The following FOXRED2 variants were observed in gnomAD, a reference collection of about 807,000 sequenced individuals.
The protein encoded by FOXRED2 is FAD-dependent oxidoreductase domain-containing protein 2.
Under a neutral mutation model 52.5 loss-of-function variants are expected in FOXRED2, and 32 were observed. The observed-to-expected ratio is 0.61, with a 90% confidence interval of 0.46 to 0.82. FOXRED2 has a LOEUF of 0.82. FOXRED2 is among the 40% of genes least tolerant of loss of function. The probability of loss-of-function intolerance (pLI) is 0.00; values close to 1 mark genes in which losing one functional copy is unlikely to be tolerated. For synonymous variants in FOXRED2, 405 were observed against 398.1 expected, an observed-to-expected ratio of 1.02 and a Z score of -0.21; for missense variants, 848 against 937.5, an observed-to-expected ratio of 0.90 and a Z score of 1.25.
In FOXRED2 at chr22:36,501,470, T is replaced by C. The variant is rs73886816; in HGVS notation, c.1050-63A>G. 6,623 of 1,551,832 alleles carry C rather than the reference T, an allele frequency of 4.3e-3. 236 individuals are homozygous for C. In the African/African-American group the frequency reaches 0.08, roughly 19 times the overall value. Reference sequence around the variant, plus strand: ...ATGTAAGAGGCACTTATTTATTTAGTTAGTTTTGAGATGGAGTTTCGCTCT... The same window carrying C: ...ATGTAAGAGGCACTTATTTATTTAGCTAGTTTTGAGATGGAGTTTCGCTCT... On this transcript the variant is annotated intron_variant, in intron 4 of 8. Transcript: ENST00000397224.
At chr22:36,491,528 C>T (rs1027151868) in intron 8 of FOXRED2, among the ~76,000 whole-genome samples, 1 of 152,012 alleles carries the variant, frequency 6.6e-6, no homozygotes, top group African/African-American at 2.4e-5. Context: ...TCAGCCTCCC[C>T]AGTAGCTGAG....
At position 36,496,017 on chromosome 22, in the gene FOXRED2, T is replaced by C. The variant is rs771957220; in HGVS notation, c.1574A>G (p.Gln525Arg). ...GATGACAGGATGAAGAAAGTTAGACTGCCAGGCATCTTCTGTGTGCCCCAC... is the reference window on the plus strand; with the variant it reads ...GATGACAGGATGAAGAAAGTTAGACCGCCAGGCATCTTCTGTGTGCCCCAC... The part of the protein sequence containing the change: ...RSVGHTEDAW[Q>R]SNFLHPVIYY... Residue 525 changes from glutamine to arginine, a missense_variant, in exon 7 of 9, where the codon CAG becomes CGG. Coordinates refer to ENST00000397224, the MANE Select transcript of FOXRED2 (RefSeq NM_001102371.2). 1.9e-6 allele frequency: 3 copies of C among 1,614,116 alleles called. No homozygotes were observed. Among genetic ancestry groups the C allele is most frequent in the Non-Finnish European group, 8.5e-7 (1 of 1,180,044 alleles).
intron 4 of FOXRED2, 113 bp from the exon 5 acceptor site, chr22:36,501,520 G>T: frequency 1.9e-6 from 2 of 1,037,684 alleles, no homozygotes; most frequent in Non-Finnish European, 2.8e-6. Context: ...GAGTACAATG[G>T]CGTGATCTCG....
At position 36,505,920 on chromosome 22, in the gene FOXRED2, T is replaced by C; in HGVS notation, c.503A>G (p.Gln168Arg). The C allele has an allele frequency of 6.2e-7, 1 of 1,613,474 alleles. No individual in the cohort carries two copies. Among genetic ancestry groups the C allele is most frequent in the Non-Finnish European group, 8.5e-7 (1 of 1,179,376 alleles). Residue 168 changes from glutamine to arginine, a missense_variant, in exon 2 of 9, where the codon CAG becomes CGG. Transcript: ENST00000397224. The stretch of plus-strand genomic sequence containing the variant: ...CCTGCACTGATGCACCTGGCCCTTC[T>C]GGTCAGTTAGGATGAAGTAGTGGCC... ...WNGHYFILTD[Q>R]KGQVHQCSVL...
At position 36,496,215 on chromosome 22, in the gene FOXRED2, G is replaced by C; in HGVS notation, c.1383-7C>G. On this transcript the variant is annotated splice_polypyrimidine_tract_variant and splice_region_variant and intron_variant, in intron 6 of 8. Coordinates refer to ENST00000397224, the MANE Select transcript of FOXRED2 (RefSeq NM_001102371.2). ...CTCAAAGGCCGTGGAATTCCTGGGA[G>C]AACAGCAACGCGGGGGAGGCCCTCA... 6.2e-7 allele frequency: 1 copy of C among 1,613,198 alleles called. No individual in the cohort carries two copies. The highest frequency in any genetic ancestry group is 8.5e-7 in the Non-Finnish European group (1 of 1,179,946).
At chr22:36,495,585 T>C (rs567709179) in intron 7 of FOXRED2, among the ~76,000 whole-genome samples, 4 of 152,194 alleles carry the variant, frequency 2.6e-5, no homozygotes, top group Admixed American at 6.5e-5. Flanking sequence ...AGTGACAAAA[T>C]GACAGGCCTA....
chr22:36,488,377 G>A lies in FOXRED2; in HGVS notation c.*1631C>T. 1 of 152,240 alleles carries A rather than the reference G, an allele frequency of 6.6e-6. No individual in the cohort carries two copies. Among genetic ancestry groups the A allele is most frequent in the South Asian group, 2.1e-4 (1 of 4,824 alleles). The allele number at this position is 152,240 out of a possible 1,614,324, so 9.4% of individuals were successfully genotyped here. ...AGGTTCAAGCAATTCTCCTGCCTCA[G>A]CTTCCCAAGTAGCTGGGATGACAGG... On this transcript the variant is annotated 3_prime_UTR_variant, in exon 9 of 9. Transcript: ENST00000397224.
At chr22:36,502,243 G>A (rs1227396977) in intron 4 of FOXRED2, among the ~76,000 whole-genome samples, 1 of 152,106 alleles carries the variant, frequency 6.6e-6, no homozygotes, top group Non-Finnish European at 1.5e-5. Context: ...CTAGCACTTT[G>A]GGAGGCCGAT....
intron 7 of FOXRED2, among the ~76,000 whole-genome samples, chr22:36,495,201 C>T (rs5756217): frequency 0.095 from 14,511 of 152,018 alleles, 754 homozygotes; most frequent in East Asian, 0.15. Context: ...CCTTATAATC[C>T]GCTTGCCTTG....
intron 8 of FOXRED2, among the ~76,000 whole-genome samples, chr22:36,491,240 C>T (rs752325181): frequency 2.0e-5 from 3 of 152,126 alleles, no homozygotes; most frequent in East Asian, 1.9e-4. Flanking sequence ...AAGGAACAAC[C>T]GCTAGGTCTG....
rs1317745266 is a variant in FOXRED2 at position 36,489,906 on chromosome 22, A to C, written c.*102T>G. The C allele has an allele frequency of 3.2e-6, 4 of 1,245,294 alleles. No individual in the cohort carries two copies. Among genetic ancestry groups the C allele is most frequent in the East Asian group, 5.1e-5 (2 of 39,256 alleles). 77.1% of individuals were successfully genotyped at this position (1,245,294 alleles called of 1,614,324 possible). On this transcript the variant is annotated 3_prime_UTR_variant, in exon 9 of 9. Transcript: ENST00000397224. ...GCCATGATCTGAGTGGTCTTTGGCA[A>C]TCACGCATTGGCGGGAGTGTGAGGT...
In FOXRED2 at chr22:36,504,212, C is replaced by T. The variant is rs1934128401; in HGVS notation, c.935G>A (p.Ser312Asn). 2 of 1,614,170 alleles carry T rather than the reference C, an allele frequency of 1.2e-6. No individual in the cohort carries two copies. The highest frequency in any genetic ancestry group is 1.7e-6 in the Non-Finnish European group (2 of 1,180,034). ...CTGGGGGAGGGTGATGGAGTCGGCACTCTGGTTGGTGTTGGCTTCTTCCAG... is the reference window on the plus strand; with the variant it reads ...CTGGGGGAGGGTGATGGAGTCGGCATTCTGGTTGGTGTTGGCTTCTTCCAG... ...FFLEEANTNQ[S>N]ADSITLPQDD... The change falls in exon 4 of 9, where the codon AGT (serine) becomes AAT (asparagine). Residue 312 changes from serine (S) to asparagine (N), a missense_variant. By Grantham distance (46) the Ser-to-Asn change is conservative. Coordinates refer to ENST00000397224, the MANE Select transcript of FOXRED2 (RefSeq NM_001102371.2).
At position 36,506,365 on chromosome 22, in the gene FOXRED2, C is replaced by T. The variant is rs1307731463; in HGVS notation, c.58G>A (p.Ala20Thr). The T allele has an allele frequency of 1.4e-6, 2 of 1,454,000 alleles. No individual in the cohort carries two copies. Among genetic ancestry groups the T allele is most frequent in the Admixed American group, 2.6e-5 (1 of 38,254 alleles). 90.1% of individuals were successfully genotyped at this position (1,454,000 alleles called of 1,614,324 possible). A position where few individuals can be genotyped will look rare whatever the true frequency, so the allele number is the denominator to read the frequency against. ...GGCACCGACAGCGCTGGGTGCAGGG[C>T]GATGGCCAGGAGCAGCCCCGGGGGA... ...WGPPGLLLAIALHPALSVPPR... is the reference protein window; with the variant it reads ...WGPPGLLLAITLHPALSVPPR... Residue 20 changes from alanine to threonine, a missense_variant, in exon 2 of 9, where the codon GCC becomes ACC. By Grantham distance (58) the Ala-to-Thr change is moderately conservative (BLOSUM62 0). Coordinates refer to ENST00000397224, the MANE Select transcript of FOXRED2 (RefSeq NM_001102371.2).
intron 8 of FOXRED2, among the ~76,000 whole-genome samples, chr22:36,491,965 G>A (rs1933768131): frequency 6.6e-6 from 1 of 152,130 alleles, no homozygotes; most frequent in African/African-American, 2.4e-5. Context: ...GTAACTCTGA[G>A]CGAGCCTTCT....
chr22:36,501,906 C>T (rs149656068), intron 4 of FOXRED2, among the ~76,000 whole-genome samples: 1,803 of 152,198 alleles, frequency 0.012, 15 homozygotes, highest in East Asian at 0.041. Flanking sequence ...TGGCTCACGC[C>T]TGTAATCCCA....
chr22:36,501,742 C>T (rs945504355), intron 4 of FOXRED2, among the ~76,000 whole-genome samples: 3 of 152,032 alleles, frequency 2.0e-5, no homozygotes, highest in Admixed American at 6.6e-5. Context: ...ATTACAAGCG[C>T]GAGCCACTGC....
rs1430410873 is a variant in FOXRED2, at chr22:36,490,234, T to C, written c.1829A>G (p.Lys610Arg). The change falls in exon 9 of 9, where the codon AAG becomes AGG. Residue 610 changes from lysine (K) to arginine (R), a missense_variant. Transcript: ENST00000397224. ...SCFLFALTRQ[K>R]LPPFCQQGYL... ...CCCCTGCTGGCAAAAGGGTGGCAAC[T>C]TCTGGCGCGTGAGGGCGAACAGGAA... 1.2e-6 allele frequency: 2 copies of C among 1,612,404 alleles called. No homozygotes were observed. The highest frequency in any genetic ancestry group is 1.7e-6 in the Non-Finnish European group (2 of 1,178,964).
At chr22:36,502,834 C>T (rs1001259542) in intron 4 of FOXRED2, among the ~76,000 whole-genome samples, 8 of 151,800 alleles carry the variant, frequency 5.3e-5, no homozygotes, top group African/African-American at 1.2e-4. Context: ...CTGGGATTAC[C>T]GGCACGTGCC....
chr22:36,491,386 C>G (rs1307119962), intron 8 of FOXRED2, among the ~76,000 whole-genome samples: 1 of 152,082 alleles, frequency 6.6e-6, no homozygotes, highest in Admixed American at 6.6e-5. Context: ...GACTGCATCA[C>G]AGGAGTGGTT....
Sources: allele counts gnomAD v4.1 joint callset (sites outside exome capture counted in the v4.1 genomes callset), GRCh38; gene constraint gnomAD v4.1.1; transcripts MANE v1.5; gene names NCBI Gene and HGNC (gene_info 2026-07-23, HGNC 2026-07-21).